Variants in ADGRF5 observed in about 807,000 individuals in gnomAD.
ADGRF5 encodes the protein adhesion G protein-coupled receptor F5.
A neutral mutation model predicts 132.3 loss-of-function variants in ADGRF5; 75 were observed. The ratio of observed to expected loss-of-function variants is 0.57; its 90% CI spans 0.47 to 0.69. The LOEUF is 0.69. ADGRF5 is among the 30% of genes least tolerant of loss of function. The pLI, the probability that ADGRF5 is intolerant of heterozygous loss-of-function variation, is 0.00. For missense variants in ADGRF5, 1,516 were observed against 1,630.6 expected (o/e 0.93, Z 1.21); for synonymous variants, 629 against 597.6 (o/e 1.05, Z -0.77).
intron 2 of ADGRF5, among the ~76,000 whole-genome samples, chr6:46,901,289 A>G (rs1774738161): frequency 6.6e-6 from 1 of 152,144 alleles, no homozygotes; most frequent in Non-Finnish European, 1.5e-5. Flanking sequence ...GCCTGCCTAC[A>G]GGTTTTCCTG....
intron 1 of ADGRF5, among the ~76,000 whole-genome samples, chr6:46,929,304 G>T (rs1271761236): frequency 1.3e-5 from 2 of 151,976 alleles, no homozygotes; most frequent in East Asian, 3.9e-4. Flanking sequence ...AGAACACATG[G>T]ACACAGGAAG....
In ADGRF5 at chr6:46,878,416, T is replaced by C. The variant is rs376228250; in HGVS notation, c.1037-11A>G. 283 of 1,497,954 alleles carry C rather than the reference T, an allele frequency of 1.9e-4. No homozygotes were observed. Among genetic ancestry groups the C allele is most frequent in the Non-Finnish European group, 2.5e-4 (267 of 1,076,766 alleles). 92.8% of individuals were successfully genotyped at this position (1,497,954 alleles called of 1,614,324 possible). A position where few individuals can be genotyped will look rare whatever the true frequency, so the allele number is the denominator to read the frequency against. On this transcript the variant is annotated splice_polypyrimidine_tract_variant and intron_variant, in intron 9 of 20. Transcript: ENST00000283296. ...TGCAAACATATTCACCTGCATAAAATACACAAAATCATGTATTATTATAAC... is the reference window on the plus strand; with the variant it reads ...TGCAAACATATTCACCTGCATAAAACACACAAAATCATGTATTATTATAAC...
chr6:46,858,284 A>C lies in ADGRF5; in HGVS notation c.3619T>G (p.Cys1207Gly). 6.2e-7 allele frequency: 1 copy of C among 1,614,010 alleles called. No homozygotes were observed. ...AACAGGCTGCTCTTCTCCTGCTTGC[A>C]TGGCTTGTCTCCAATGGAAGGCCTC... ...ILRPSIGDKP[C>G]KQEKSSLFQI... The change falls in exon 17 of 21, where the codon TGC becomes GGC. Residue 1207 changes from cysteine (C) to glycine (G), a missense_variant. Cys to Gly is a radical substitution (Grantham distance 159, BLOSUM62 -3). Coordinates refer to ENST00000283296, the MANE Select transcript of ADGRF5 (RefSeq NM_001098518.2).
intron 3 of ADGRF5, among the ~76,000 whole-genome samples, chr6:46,891,193 G>A (rs147145309): frequency 7.2e-4 from 109 of 152,318 alleles, no homozygotes; most frequent in South Asian, 1.2e-3. Flanking sequence ...TTATAAGAAT[G>A]CGGAAACTCA....
intron 1 of ADGRF5, among the ~76,000 whole-genome samples, chr6:46,929,781 G>T (rs1289231041): frequency 6.6e-6 from 1 of 151,802 alleles, no homozygotes; most frequent in Non-Finnish European, 1.5e-5. Context: ...TGTTTCCAGG[G>T]CCTATATTCT....
chr6:46,884,070 G>C (rs760413197), intron 5 of ADGRF5, 25 bp downstream of exon 5: 1 of 1,595,584 alleles, frequency 6.3e-7, no homozygotes, highest in African/African-American at 1.3e-5. Context: ...GCCACTCAAC[G>C]AGCATTTAAT....
chr6:46,882,133 CAT>C, intron 6 of ADGRF5, 26 bp from the exon 7 acceptor site: 1 of 1,550,694 alleles, frequency 6.4e-7, no homozygotes, highest in Non-Finnish European at 8.9e-7. Flanking sequence ...AGATGAATGT[CAT>C]ATATCAAAGT....
At chr6:46,878,130 G>T in intron 10 of ADGRF5, 72 bp downstream of exon 10, 2 of 941,204 alleles carry the variant, frequency 2.1e-6, no homozygotes, top group Non-Finnish European at 3.5e-6. Flanking sequence ...CCTTCCATAC[G>T]CCACATCTCC....
chr6:46,883,312 CA>C (rs2150841526), intron 6 of ADGRF5, among the ~76,000 whole-genome samples: 1 of 152,174 alleles, frequency 6.6e-6, no homozygotes, highest in East Asian at 1.9e-4. Context: ...GAATTGATGC[CA>C]CGAAATCTTA....
intron 4 of ADGRF5, among the ~76,000 whole-genome samples, chr6:46,885,956 A>T (rs539806133): frequency 1.3e-5 from 2 of 152,330 alleles, no homozygotes; most frequent in South Asian, 4.1e-4. Flanking sequence ...TAGGTTTTAG[A>T]CTCTGTTGTG....
At chr6:46,868,813 A>G (rs1652317425) in intron 12 of ADGRF5, 70 bp downstream of exon 12, 1 of 959,988 alleles carries the variant, frequency 1.0e-6, no homozygotes, top group East Asian at 2.4e-5. Context: ...GACCCTACAC[A>G]GATGGTAACT....
rs76660188 is a variant in ADGRF5 at position 46,915,288 on chromosome 6, T to TTAATAA, written c.-25+6419_-25+6424dup. Among the ~76,000 whole-genome samples the TTAATAA allele has an allele frequency of 6.2e-3, 929 of 149,600 alleles. 6 individuals are homozygous for TTAATAA. Among genetic ancestry groups the TTAATAA allele is most frequent in the African/African-American group, 0.013 (517 of 40,538 alleles). On this transcript the variant is annotated intron_variant, in intron 1 of 20. Coordinates refer to ENST00000283296, the MANE Select transcript of ADGRF5 (RefSeq NM_001098518.2). ...AGCTCCAAAATAATACTTGACTATT[T>TTAATAA]TAATAATAATAATAATAATAATAAT...
intron 3 of ADGRF5, among the ~76,000 whole-genome samples, chr6:46,898,421 G>C (rs1774401643): frequency 6.6e-6 from 1 of 152,156 alleles, no homozygotes; most frequent in African/African-American, 2.4e-5. Flanking sequence ...GTCGGGATGG[G>C]GTAGAGGTAA....
In ADGRF5 at chr6:46,884,078, A is replaced by C; in HGVS notation, c.505+17T>G. 6.2e-7 allele frequency: 1 copy of C among 1,605,526 alleles called. No homozygotes were observed. On this transcript the variant is annotated intron_variant, in intron 5 of 20. Transcript: ENST00000283296. ...TTGAATAGCCACTCAACGAGCATTT[A>C]ATGAGCAGTTACTTACCTTCCTGAA...
rs1415176574 is a variant in ADGRF5, at chr6:46,943,636, A to C, written c.-25+11098T>G. The stretch of plus-strand genomic sequence containing the variant: ...ACAACACACCATGAACTAGTTAGCT[A>C]CTCCCATTTTAGAGAAGGAGGCTCA... On this transcript the variant is annotated intron_variant, in intron 1 of 20. Coordinates refer to the ADGRF5 transcript ENST00000265417. 2.0e-5 allele frequency among the ~76,000 whole-genome samples: 3 copies of C among 152,166 alleles called. No individual in the cohort carries two copies. In the East Asian group the frequency reaches 5.8e-4, roughly 29 times the overall value.
At chr6:46,857,756 G>A (rs1288049795) in intron 17 of ADGRF5, among the ~76,000 whole-genome samples, 2 of 142,618 alleles carry the variant, frequency 1.4e-5, no homozygotes, top group Non-Finnish European at 3.1e-5. Context: ...CAGGCATAGA[G>A]GTATAGTGAT....
At chr6:46,854,269 T>C (rs1435448116) in intron 20 of ADGRF5, among the ~76,000 whole-genome samples, 198 bp from the exon 21 acceptor site, 1 of 152,192 alleles carries the variant, frequency 6.6e-6, no homozygotes, top group African/African-American at 2.4e-5. Flanking sequence ...TTCTCATGCA[T>C]GCGTGGCAGC....
chr6:46,856,886 C>A lies in ADGRF5; in HGVS notation c.3797G>T (p.Gly1266Val). Residue 1266 changes from glycine to valine, a missense_variant, in exon 18 of 21, where the codon GGA (glycine) becomes GTA (valine). Around this residue, in one of 2 missense-constraint regions of ADGRF5, gnomAD observed 571 missense variants for 701.2 expected, o/e 0.81. Transcript: ENST00000283296. ...VFQGLFILLF[G>V]CLWDLKVQEA... ...TCTTACCTTCAGATCCCAGAGGCAT[C>A]CAAAGAGTAAAATGAATAATCCCTG... is the stretch of plus-strand genomic sequence containing the variant. The A allele has an allele frequency of 6.2e-7, 1 of 1,609,534 alleles. No homozygotes were observed. The highest frequency in any genetic ancestry group is 8.5e-7 in the Non-Finnish European group (1 of 1,177,846).
Position 46,882,075 on chromosome 6 carries a change from G to T in ADGRF5, c.645C>A (p.Phe215Leu). The T allele has an allele frequency of 6.2e-7, 1 of 1,611,788 alleles. No homozygotes were observed. Among genetic ancestry groups the T allele is most frequent in the Non-Finnish European group, 8.5e-7 (1 of 1,177,946 alleles). The change falls in exon 7 of 21, where the codon TTC becomes TTA. Residue 215 changes from phenylalanine (F) to leucine (L), a missense_variant. Transcript: ENST00000283296. ...FRKGYGILPGFKGVTVTGFKS... is the reference protein window; with the variant it reads ...FRKGYGILPGLKGVTVTGFKS... ...TGAACCCTGTCACAGTCACGCCCTTGAAGCCTGGTAAAATTCCGTAACCCT... is the reference window on the plus strand; with the variant it reads ...TGAACCCTGTCACAGTCACGCCCTTTAAGCCTGGTAAAATTCCGTAACCCT...
Sources: gnomAD v4.1 joint callset for allele counts (sites outside exome capture counted in the v4.1 genomes callset) on GRCh38, gnomAD v4.1.1 for gene constraint, gnomAD v4.1.1 regional missense constraint, MANE v1.5 for transcripts, NCBI Gene and HGNC (gene_info 2026-07-23, HGNC 2026-07-21) for gene names.